The following CSGALNACT1 variants were observed in gnomAD, a reference collection of about 807,000 sequenced individuals.
CSGALNACT1 encodes the protein beta4GalNAcT-1.
CSGALNACT1 carries 52 observed loss-of-function variants against 51.0 expected under a neutral mutation model. The observed-to-expected ratio is 1.02, with a 90% CI of 0.82 to 1.29. CSGALNACT1 has a LOEUF of 1.29. Among genes scored for constraint, CSGALNACT1 ranks in the 50% most tolerant of loss-of-function variants. CSGALNACT1 has a pLI of 0.00. For missense variants in CSGALNACT1, 935 were observed against 679.2 expected, an observed-to-expected ratio of 1.38 and a Z score of -4.19; for synonymous variants, 341 against 254.4, an observed-to-expected ratio of 1.34 and a Z score of -3.24.
chr8:19,563,492 C>G (rs914721142), intron 3 of CSGALNACT1, among the ~76,000 whole-genome samples: 3 of 152,092 alleles, frequency 2.0e-5, no homozygotes, highest in African/African-American at 7.2e-5. Context: ...CATGGCTGAC[C>G]TGGAGTCGCC....
chr8:19,627,707 C>A (rs962185862), intron 1 of CSGALNACT1, among the ~76,000 whole-genome samples: 2 of 152,098 alleles, frequency 1.3e-5, no homozygotes, highest in Admixed American at 6.6e-5. Flanking sequence ...CACCTATAGT[C>A]CCAGCTACGT....
chr8:19,711,256 TA>T (rs2062487034), intron 1 of CSGALNACT1, among the ~76,000 whole-genome samples: 2 of 152,320 alleles, frequency 1.3e-5, no homozygotes, highest in South Asian at 4.1e-4. Context: ...CTGAAAGTTT[TA>T]AAACCGATAT....
At position 19,439,949 on chromosome 8, in the gene CSGALNACT1, T is replaced by C. The variant is rs371231797; in HGVS notation, c.852-18A>G. On this transcript the variant is annotated intron_variant, in intron 5 of 9. Coordinates refer to ENST00000454498, the Ensembl canonical transcript of CSGALNACT1. ...ACATCTCCCTGGAAAACAAAACACA[T>C]GCATGTCTGGCACCTGTTTTCACAC... is the stretch of plus-strand genomic sequence containing the variant. 1.3e-6 allele frequency: 2 copies of C among 1,597,642 alleles called. No homozygotes were observed. The highest frequency in any genetic ancestry group is 1.7e-6 in the Non-Finnish European group (2 of 1,165,200).
intron 3 of CSGALNACT1, among the ~76,000 whole-genome samples, chr8:19,547,956 A>G (rs545292015): frequency 4.6e-5 from 7 of 152,224 alleles, no homozygotes; most frequent in Non-Finnish European, 1.0e-4. Context: ...AGCAGCTGCC[A>G]TTTTCCTAAG....
chr8:19,653,962 T>C (rs1272692193), intron 1 of CSGALNACT1, among the ~76,000 whole-genome samples: 1 of 152,146 alleles, frequency 6.6e-6, no homozygotes, highest in Non-Finnish European at 1.5e-5. Flanking sequence ...CTCCCCTTCC[T>C]TGCAAGGAAA....
intron 4 of CSGALNACT1, among the ~76,000 whole-genome samples, chr8:19,485,091 A>G (rs113094977): frequency 0.011 from 1,623 of 152,308 alleles, 31 homozygotes; most frequent in African/African-American, 0.037. Context: ...TGGCAGCCCA[A>G]GTCATATAAT....
intron 1 of CSGALNACT1, among the ~76,000 whole-genome samples, chr8:19,752,078 A>ATAG (rs68004600): frequency 2.4e-4 from 3 of 12,380 alleles, no homozygotes; most frequent in Non-Finnish European, 4.4e-4. Flanking sequence ...ATATGATATG[A>ATAG]TGATGATGAT....
intron 1 of CSGALNACT1, among the ~76,000 whole-genome samples, chr8:19,638,907 T>A (rs1444619656): frequency 2.0e-5 from 3 of 152,040 alleles, no homozygotes; most frequent in African/African-American, 4.8e-5. Flanking sequence ...AGTTACAACT[T>A]CCAAGGTCAG....
At chr8:19,565,122 T>G (rs899709321) in intron 3 of CSGALNACT1, among the ~76,000 whole-genome samples, 2 of 152,228 alleles carry the variant, frequency 1.3e-5, no homozygotes, top group African/African-American at 4.8e-5. Flanking sequence ...CTTTTCCTAC[T>G]GTATATAGAG....
intron 1 of CSGALNACT1, among the ~76,000 whole-genome samples, chr8:19,636,240 TTGTTA>T (rs1327749131): frequency 6.6e-6 from 1 of 152,216 alleles, no homozygotes; most frequent in African/African-American, 2.4e-5. Context: ...TTACAGTATA[TTGTTA>T]TAACTATTCC....
intron 1 of CSGALNACT1, among the ~76,000 whole-genome samples, chr8:19,704,567 T>C (rs1457314338): frequency 6.6e-6 from 1 of 152,204 alleles, no homozygotes; most frequent in Non-Finnish European, 1.5e-5. Flanking sequence ...GCACTCTCAC[T>C]TCTGGGTATA....
At chr8:19,505,431 G>A (rs377594341) in exon 4 of CSGALNACT1, 16 of 1,614,232 alleles carry the variant, frequency 9.9e-6, no homozygotes, top group Non-Finnish European at 1.3e-5. Context: ...CTTGACGCCA[G>A]CATTCACCTC....
exon 6 of CSGALNACT1, chr8:19,439,834 A>G: frequency 6.2e-7 from 1 of 1,612,366 alleles, no homozygotes; most frequent in Non-Finnish European, 8.5e-7. Context: ...ACTCACTTGG[A>G]AGTGTTTTCA....
chr8:19,656,076 T>G (rs2058248893), intron 1 of CSGALNACT1, among the ~76,000 whole-genome samples: 2 of 152,308 alleles, frequency 1.3e-5, no homozygotes, highest in Non-Finnish European at 2.9e-5. Flanking sequence ...GGGCAACTTG[T>G]GCTTCACACA....
chr8:19,664,646 A>AACACACAC (rs34245346), intron 1 of CSGALNACT1, among the ~76,000 whole-genome samples: 5 of 150,594 alleles, frequency 3.3e-5, no homozygotes, highest in South Asian at 4.2e-4. Flanking sequence ...CAAACACACA[A>AACACACAC]ACACACACAC....
At chr8:19,636,098 C>T (rs986172988) in intron 1 of CSGALNACT1, among the ~76,000 whole-genome samples, 1 of 152,142 alleles carries the variant, frequency 6.6e-6, no homozygotes, top group South Asian at 2.1e-4. Context: ...GCCGTAGTCC[C>T]GCTTATCAGC....
At chr8:19,746,027 A>G (rs2064638210) in intron 1 of CSGALNACT1, among the ~76,000 whole-genome samples, 1 of 152,122 alleles carries the variant, frequency 6.6e-6, no homozygotes, top group Admixed American at 6.5e-5. Context: ...CTCCTTGATA[A>G]TATCTGGGAG....
At chr8:19,685,018 A>G (rs2060893866), upstream of CSGALNACT1, among the ~76,000 whole-genome samples, 1 of 152,214 alleles carries the variant, frequency 6.6e-6, no homozygotes, top group Non-Finnish European at 1.5e-5. Context: ...TTAAGTTCAC[A>G]TTAAATAACT....
At chr8:19,568,514 T>G (rs937566941) in intron 3 of CSGALNACT1, among the ~76,000 whole-genome samples, 1 of 152,126 alleles carries the variant, frequency 6.6e-6, no homozygotes, top group African/African-American at 2.4e-5. Flanking sequence ...TATCCCAAAT[T>G]TAAATAAACA....
Sources: allele counts gnomAD v4.1 joint callset (sites outside exome capture counted in the v4.1 genomes callset), GRCh38; gene constraint gnomAD v4.1.1; transcripts MANE v1.5; gene names NCBI Gene and HGNC (gene_info 2026-07-23, HGNC 2026-07-21).